Variants in BMERB1 observed in about 807,000 individuals in gnomAD.
BMERB1 encodes the protein bMERB domain containing 1, also known as bMERB domain-containing protein 1.
A neutral mutation model predicts 23.6 loss-of-function variants in BMERB1; 12 were observed. The ratio of observed to expected loss-of-function variants is 0.51; its 90% CI spans 0.33 to 0.82. The LOEUF is 0.82. Ranked by LOEUF, BMERB1 falls within the 40% of genes least tolerant of loss-of-function variation. The probability of loss-of-function intolerance (pLI) is 0.03; values close to 1 mark genes in which losing one functional copy is unlikely to be tolerated. For missense variants in BMERB1, 247 were observed against 255.4 expected, an observed-to-expected ratio of 0.97 and a Z score of 0.22; for synonymous variants, 122 against 96.6, an observed-to-expected ratio of 1.26 and a Z score of -1.54.
chr16:15,445,916 A>G (rs1274838331), intron 1 of BMERB1, among the ~76,000 whole-genome samples: 1 of 152,220 alleles, frequency 6.6e-6, no homozygotes, highest in African/African-American at 2.4e-5. Flanking sequence ...CTCAGCAGTA[A>G]AAAGGAACAG....
intron 2 of BMERB1, among the ~76,000 whole-genome samples, chr16:15,553,111 A>G (rs1424277105): frequency 1.3e-5 from 2 of 152,146 alleles, no homozygotes; most frequent in Non-Finnish European, 2.9e-5. Flanking sequence ...AGGTTCAAGC[A>G]ATTCTCCTGC....
chr16:15,508,504 A>G (rs896823569), intron 1 of BMERB1, among the ~76,000 whole-genome samples: 8 of 152,140 alleles, frequency 5.3e-5, no homozygotes, highest in African/African-American at 1.9e-4. Flanking sequence ...TCCCCTGGCC[A>G]TAGGGTATCA....
intron 2 of BMERB1, among the ~76,000 whole-genome samples, chr16:15,516,774 C>T (rs1333691596): frequency 6.6e-6 from 1 of 152,218 alleles, no homozygotes; most frequent in Non-Finnish European, 1.5e-5. Context: ...CCCAAGGCCT[C>T]CCAGCTAGTA....
chr16:15,487,644 A>T (rs141135562), intron 1 of BMERB1, among the ~76,000 whole-genome samples: 1 of 152,370 alleles, frequency 6.6e-6, no homozygotes, highest in African/African-American at 2.4e-5. Flanking sequence ...CTCCACAGCC[A>T]GAACAGCAGC....
chr16:15,454,296 G>A (rs1309449426), intron 1 of BMERB1, among the ~76,000 whole-genome samples: 1 of 152,324 alleles, frequency 6.6e-6, no homozygotes, highest in Non-Finnish European at 1.5e-5. Context: ...GCAAACACAC[G>A]TTTTCATTAC....
intron 1 of BMERB1, among the ~76,000 whole-genome samples, chr16:15,493,391 G>C (rs2051441249): frequency 6.6e-6 from 1 of 152,184 alleles, no homozygotes; most frequent in South Asian, 2.1e-4. Flanking sequence ...TCCTCGATGG[G>C]ATCCTGGAAT....
chr16:15,586,854 AT>A lies in BMERB1; in HGVS notation c.*26del. The A allele has an allele frequency of 6.8e-7, 1 of 1,460,522 alleles. No individual in the cohort carries two copies. Among genetic ancestry groups the A allele is most frequent in the Non-Finnish European group, 9.3e-7 (1 of 1,073,688 alleles). The allele number at this position is 1,460,522 out of a possible 1,614,324, so 90.5% of individuals were successfully genotyped here. On this transcript the variant is annotated 3_prime_UTR_variant, in exon 6 of 6. Coordinates refer to ENST00000300006, the MANE Select transcript of BMERB1 (RefSeq NM_033201.3). The stretch of plus-strand genomic sequence containing the variant: ...GCCCCCACGTGGGGTGCCCTGGGCC[AT>A]GGGGACCCCCCCCCACCCTCTTGTC...
intron 1 of BMERB1, among the ~76,000 whole-genome samples, chr16:15,461,959 G>A (rs921996569): frequency 4.6e-5 from 7 of 151,842 alleles, no homozygotes; most frequent in South Asian, 2.1e-4. Flanking sequence ...AACAACAACA[G>A]CAGCAGCAAC....
chr16:15,558,736 G>T (rs977618568), intron 2 of BMERB1, among the ~76,000 whole-genome samples: 1 of 151,792 alleles, frequency 6.6e-6, no homozygotes, highest in African/African-American at 2.4e-5. Context: ...TATATCATTT[G>T]GCTGCTTGAC....
chr16:15,510,544 C>T (rs1280244441), intron 1 of BMERB1, among the ~76,000 whole-genome samples: 1 of 151,940 alleles, frequency 6.6e-6, no homozygotes, highest in Middle Eastern at 3.2e-3. Context: ...TGGTGGGCTC[C>T]CTTACAGAGG....
rs1342080249 is a variant in BMERB1, at chr16:15,567,473, C to T, written c.231-510C>T. ...TTATTAACAGTGACTGATGGCCAGGCACCGCGGCTTATGCCTGTAATCCCA... is the reference window on the plus strand; with the variant it reads ...TTATTAACAGTGACTGATGGCCAGGTACCGCGGCTTATGCCTGTAATCCCA... On this transcript the variant is annotated intron_variant, in intron 2 of 5. Coordinates refer to ENST00000300006, the MANE Select transcript of BMERB1 (RefSeq NM_033201.3). Among the ~76,000 whole-genome samples, 2 of 152,154 alleles carry T rather than the reference C, an allele frequency of 1.3e-5. 1 individual carries two copies. The highest frequency in any genetic ancestry group is 2.9e-5 in the Non-Finnish European group (2 of 68,032).
At chr16:15,506,573 A>C (rs989615449) in intron 1 of BMERB1, among the ~76,000 whole-genome samples, 4 of 152,070 alleles carry the variant, frequency 2.6e-5, no homozygotes, top group Admixed American at 2.6e-4. Context: ...AAGGAATTGA[A>C]ATTTACCAGA....
At chr16:15,475,663 T>C (rs2051269115) in intron 1 of BMERB1, among the ~76,000 whole-genome samples, 1 of 152,018 alleles carries the variant, frequency 6.6e-6, no homozygotes, top group Admixed American at 6.6e-5. Flanking sequence ...TTCCTGATAC[T>C]TGTTTGGTAA....
chr16:15,514,009 G>A (rs1395798058), intron 1 of BMERB1, among the ~76,000 whole-genome samples: 1 of 152,012 alleles, frequency 6.6e-6, no homozygotes, highest in African/African-American at 2.4e-5. Flanking sequence ...GTATGCTCAC[G>A]CTTGTAATCC....
chr16:15,569,576 A>G lies in BMERB1; in HGVS notation c.304+1520A>G, dbSNP rs945490780. On this transcript the variant is annotated intron_variant, in intron 3 of 5. Transcript: ENST00000300006. ...ACTGGGTATTACATTTCAATATGAGATTTGGGCGGGGACACACATCCAAAC... is the reference window on the plus strand; with the variant it reads ...ACTGGGTATTACATTTCAATATGAGGTTTGGGCGGGGACACACATCCAAAC... 5.9e-5 allele frequency among the ~76,000 whole-genome samples: 9 copies of G among 152,220 alleles called. No individual in the cohort carries two copies. In the East Asian group the frequency reaches 1.7e-3, roughly 29 times the overall value.
At chr16:15,571,463 C>A (rs2030725043) in intron 3 of BMERB1, among the ~76,000 whole-genome samples, 1 of 151,920 alleles carries the variant, frequency 6.6e-6, no homozygotes, top group Admixed American at 6.6e-5. Flanking sequence ...GTTCATGCCT[C>A]AGCCTCAGTC....
rs2031182568 is a variant in BMERB1, at chr16:15,587,565, G to T, written c.*736G>T. On this transcript the variant is annotated 3_prime_UTR_variant, in exon 6 of 6. Transcript: ENST00000300006. ...TCCAGTGTGCAGAAGAGCCAGCAGG[G>T]AACCGGAAGCTCTGATGTCAAGGCC... 2.2e-6 allele frequency: 1 copy of T among 452,872 alleles called. No individual in the cohort carries two copies. Among genetic ancestry groups the T allele is most frequent in the African/African-American group, 2.0e-5 (1 of 50,026 alleles). 28.1% of individuals were successfully genotyped at this position (452,872 alleles called of 1,614,324 possible).
At chr16:15,570,423 A>G (rs2030694614) in intron 3 of BMERB1, among the ~76,000 whole-genome samples, 1 of 152,140 alleles carries the variant, frequency 6.6e-6, no homozygotes, top group South Asian at 2.1e-4. Context: ...AAATGTCAGT[A>G]TCTTCCTTTG....
chr16:15,558,437 A>G lies in BMERB1; in HGVS notation c.231-9546A>G, dbSNP rs1248979660. Among the ~76,000 whole-genome samples, 8 of 152,016 alleles carry G rather than the reference A, an allele frequency of 5.3e-5. No homozygotes were observed. The East Asian group carries it at 1.6e-3, about 30-fold the overall frequency. ...ATAGCCAAGCTTCCTGGATCTTCAT[A>G]GGGTGCATGTTTAGAAAATGGCAGC... is the stretch of plus-strand genomic sequence containing the variant. On this transcript the variant is annotated intron_variant, in intron 2 of 5. Coordinates refer to ENST00000300006, the MANE Select transcript of BMERB1 (RefSeq NM_033201.3).
Sources: gnomAD v4.1 joint callset for allele counts (sites outside exome capture counted in the v4.1 genomes callset) on GRCh38, gnomAD v4.1.1 for gene constraint, MANE v1.5 for transcripts, NCBI Gene and HGNC (gene_info 2026-07-23, HGNC 2026-07-21) for gene names.